The following DPF3 variants were observed in gnomAD, a reference collection of about 807,000 sequenced individuals.
DPF3 encodes the protein zinc finger protein DPF3.
In DPF3, 18 loss-of-function variants were observed where a neutral mutation model predicts 56.8. The ratio of observed to expected loss-of-function variants is 0.32; its 90% CI spans 0.22 to 0.47. DPF3 has a LOEUF of 0.47. Among genes scored for constraint, DPF3 ranks in the 20% least tolerant of loss-of-function variants. The pLI is 1.00. For synonymous variants in DPF3, 188 were observed against 180.2 expected (o/e 1.04, Z -0.35); for missense variants, 403 against 488.8 (o/e 0.82, Z 1.65).
chr14:72,844,026 C>T (rs1281433966), intron 1 of DPF3, among the ~76,000 whole-genome samples: 5 of 152,220 alleles, frequency 3.3e-5, no homozygotes, highest in African/African-American at 1.2e-4. Flanking sequence ...GGCAGTTTGG[C>T]TAGAGTCTGT....
intron 6 of DPF3, among the ~76,000 whole-genome samples, chr14:72,700,379 A>T (rs1321670559): frequency 6.6e-6 from 1 of 152,116 alleles, no homozygotes; most frequent in African/African-American, 2.4e-5. Flanking sequence ...CCGCATTTTC[A>T]TTTTGCAGTG....
At chr14:72,742,938 C>T (rs1052081544) in intron 3 of DPF3, among the ~76,000 whole-genome samples, 2 of 152,086 alleles carry the variant, frequency 1.3e-5, no homozygotes, top group Non-Finnish European at 2.9e-5. Flanking sequence ...TGGGAGATAC[C>T]CCTCTGCAGG....
chr14:72,830,283 G>C (rs1313482542), intron 1 of DPF3, among the ~76,000 whole-genome samples: 4 of 152,170 alleles, frequency 2.6e-5, no homozygotes, highest in Admixed American at 2.6e-4. Flanking sequence ...GAAGGAGAAG[G>C]GGGAGCTGTG....
rs567433724 is a variant in DPF3 at position 72,671,185 on chromosome 14, C to T, written c.871+3055G>A. 223 of 1,613,984 alleles carry T rather than the reference C, an allele frequency of 1.4e-4. No individual in the cohort carries two copies. The South Asian group carries it at 2.3e-3, about 17-fold the overall frequency. On this transcript the variant is annotated intron_variant, in intron 8 of 10. Transcript: ENST00000556509. ...TGTGGGCGAACCCCGGCCACTGCGG[C>T]GTCCTCGACAGGAGCGAGGCTCTTC...
At chr14:72,635,515 C>T (rs1468377500) in intron 8 of DPF3, among the ~76,000 whole-genome samples, 1 of 152,230 alleles carries the variant, frequency 6.6e-6, no homozygotes, top group African/African-American at 2.4e-5. Flanking sequence ...TTCATATTCA[C>T]AGCTGCCAAT....
intron 1 of DPF3, among the ~76,000 whole-genome samples, chr14:72,838,978 T>A (rs1884438516): frequency 7.2e-6 from 1 of 139,158 alleles, no homozygotes; most frequent in Non-Finnish European, 1.5e-5. Flanking sequence ...TGGAGTTCAG[T>A]GGCATGATCT....
chr14:72,718,473 C>A (rs1459837245), intron 5 of DPF3, among the ~76,000 whole-genome samples: 2 of 152,206 alleles, frequency 1.3e-5, no homozygotes, highest in African/African-American at 2.4e-5. Flanking sequence ...CACTCTCACG[C>A]TCTCACAGGC....
At chr14:72,663,661 T>A (rs1886320908) in intron 8 of DPF3, among the ~76,000 whole-genome samples, 1 of 152,062 alleles carries the variant, frequency 6.6e-6, no homozygotes, top group African/African-American at 2.4e-5. Flanking sequence ...TACTGCCACA[T>A]TTCACCCCGG....
Position 72,732,957 on chromosome 14 carries a change from G to A in DPF3, c.302-1023C>T, listed in dbSNP as rs116861967. On this transcript the variant is annotated intron_variant, in intron 3 of 10. Transcript: ENST00000556509. Reference sequence around the variant, plus strand: ...CTCTTTCTTTCTCTTTTAGAGACAGGGTCTTACTTTATCACCCAGGCTGGA... The same window carrying A: ...CTCTTTCTTTCTCTTTTAGAGACAGAGTCTTACTTTATCACCCAGGCTGGA... Among the ~76,000 whole-genome samples, 659 of 140,344 alleles carry A rather than the reference G, an allele frequency of 4.7e-3. 1 individual carries two copies. Among genetic ancestry groups the A allele is most frequent in the Non-Finnish European group, 6.9e-3 (450 of 65,438 alleles). The allele number at this position is 140,344 out of a possible 152,430, so 92.1% of individuals were successfully genotyped here.
chr14:72,866,468 T>C lies in DPF3; in HGVS notation c.32+27589A>G, dbSNP rs187966436. On this transcript the variant is annotated intron_variant, in intron 1 of 10. Transcript: ENST00000556509. ...CTTTCTGAACCCAAGCTTATTCGAATGCACAGGCTCAGGTACCCGCCTCTG... is the reference window on the plus strand; with the variant it reads ...CTTTCTGAACCCAAGCTTATTCGAACGCACAGGCTCAGGTACCCGCCTCTG... 1.6e-4 allele frequency among the ~76,000 whole-genome samples: 24 copies of C among 150,718 alleles called. 4 individuals are homozygous for C. Among genetic ancestry groups the C allele is most frequent in the Non-Finnish European group, 2.4e-4 (16 of 67,174 alleles).
In DPF3 at chr14:72,613,128, C is replaced by T. The variant is rs986741789; in HGVS notation, c.*6169G>A. ...AATGAAGAACAGAGATGCAGAGAGG[C>T]GAGCAAATGAGCAAATGGGATGCAG... On this transcript the variant is annotated 3_prime_UTR_variant, in exon 11 of 11. Transcript: ENST00000556509. Among the ~76,000 whole-genome samples, 88 of 152,166 alleles carry T rather than the reference C, an allele frequency of 5.8e-4. 1 individual carries two copies. The highest frequency in any genetic ancestry group is 5.2e-3 in the Admixed American group (79 of 15,298).
chr14:72,648,507 G>T (rs546174049), intron 8 of DPF3, among the ~76,000 whole-genome samples: 42 of 150,730 alleles, frequency 2.8e-4, no homozygotes, highest in African/African-American at 9.8e-4. Flanking sequence ...GTTGCAGTGA[G>T]CTGAGATCAT....
At chr14:72,714,317 A>G (rs1455340592) in intron 6 of DPF3, 106 bp downstream of exon 6, 2 of 1,383,476 alleles carry the variant, frequency 1.4e-6, no homozygotes, top group Non-Finnish European at 1.0e-6. Context: ...GGAAGAGGAG[A>G]GCACACACTG....
chr14:72,891,910 C>T (rs1886766572), intron 1 of DPF3, among the ~76,000 whole-genome samples: 1 of 152,200 alleles, frequency 6.6e-6, no homozygotes, highest in African/African-American at 2.4e-5. Context: ...ATACAAAGTA[C>T]AATTCAGAAC....
chr14:72,868,956 C>T (rs1885785970), intron 1 of DPF3, among the ~76,000 whole-genome samples: 1 of 152,190 alleles, frequency 6.6e-6, no homozygotes. Flanking sequence ...TAACTTCAAT[C>T]CTTCCATGGC....
chr14:72,640,080 A>AAAAAAAAAAAAAAAAAAG (rs1885508637), intron 8 of DPF3, among the ~76,000 whole-genome samples: 1 of 117,494 alleles, frequency 8.5e-6, no homozygotes, highest in Non-Finnish European at 1.9e-5. Context: ...AAAAAAAAAA[A>AAAAAAAAAAAAAAAAAAG]TGGAAACAGC....
At chr14:72,648,774 T>A (rs1279991856) in intron 8 of DPF3, among the ~76,000 whole-genome samples, 1 of 151,456 alleles carries the variant, frequency 6.6e-6, no homozygotes, top group African/African-American at 2.4e-5. Flanking sequence ...TCTTGCATCG[T>A]CAATGTCTCT....
chr14:72,622,609 TA>T (rs1884524776), intron 9 of DPF3, among the ~76,000 whole-genome samples: 1 of 152,044 alleles, frequency 6.6e-6, no homozygotes, highest in South Asian at 2.1e-4. Flanking sequence ...TCTGAGAGTT[TA>T]AGTGCATTTT....
intron 3 of DPF3, among the ~76,000 whole-genome samples, chr14:72,745,979 T>C (rs573762407): frequency 1.1e-4 from 17 of 152,308 alleles, no homozygotes; most frequent in African/African-American, 3.8e-4. Flanking sequence ...CCTCTGGAAG[T>C]TGGGCAGGTT....
Sources: allele counts gnomAD v4.1 joint callset (sites outside exome capture counted in the v4.1 genomes callset), GRCh38; gene constraint gnomAD v4.1.1; transcripts MANE v1.5; gene names NCBI Gene and HGNC (gene_info 2026-07-23, HGNC 2026-07-21).